The following DPCD variants were observed in gnomAD, a reference collection of about 807,000 sequenced individuals.
DPCD encodes the protein deleted in primary ciliary dyskinesia homolog (mouse), also known as protein DPCD.
Under a neutral mutation model 26.4 loss-of-function variants are expected in DPCD, and 20 were observed. The observed-to-expected ratio is 0.76, with a 90% CI of 0.53 to 1.10. The LOEUF (loss-of-function observed/expected upper bound fraction) is 1.10, where lower values mean the gene tolerates loss of function less well. Among genes scored for constraint, DPCD ranks in the 50% least tolerant of loss-of-function variants. DPCD has a pLI of 0.00. For synonymous variants in DPCD, 97 were observed against 94.2 expected, an observed-to-expected ratio of 1.03 and a Z score of -0.17; for missense variants, 202 against 253.9, an observed-to-expected ratio of 0.80 and a Z score of 1.39.
At chr10:101,594,636 G>T (rs1349631319) in intron 1 of DPCD, 22 bp from the exon 2 acceptor site, 2 of 1,611,974 alleles carry the variant, frequency 1.2e-6, no homozygotes, top group East Asian at 2.2e-5. Flanking sequence ...TTGAGGTAAG[G>T]CATTCTCTGT....
At chr10:101,594,314 G>C (rs2063634219) in intron 1 of DPCD, among the ~76,000 whole-genome samples, 1 of 152,222 alleles carries the variant, frequency 6.6e-6, no homozygotes, top group South Asian at 2.1e-4. Flanking sequence ...TCCTACCAAA[G>C]TGGCTGGAGG....
chr10:101,608,990 T>C, intron 5 of DPCD, 53 bp downstream of exon 5: 1 of 1,436,054 alleles, frequency 7.0e-7, no homozygotes, highest in Non-Finnish European at 9.8e-7. Flanking sequence ...TCTTCCTCTT[T>C]CCCTGCCCAC....
chr10:101,609,643 A>C lies in DPCD; in HGVS notation c.*172A>C. Reference sequence around the variant, plus strand: ...ATGGTCATATTTCCTGAGTAAAGTCATTCTGAGTTACTTACTGCACAGGGA... The same window carrying C: ...ATGGTCATATTTCCTGAGTAAAGTCCTTCTGAGTTACTTACTGCACAGGGA... On this transcript the variant is annotated 3_prime_UTR_variant, in exon 6 of 6. Coordinates refer to ENST00000370151, the MANE Select transcript of DPCD (RefSeq NM_015448.3). 1.6e-6 allele frequency: 1 copy of C among 608,924 alleles called. No individual in the cohort carries two copies. The highest frequency in any genetic ancestry group is 2.8e-5 in the East Asian group (1 of 35,672). 37.7% of individuals were successfully genotyped at this position (608,924 alleles called of 1,614,324 possible).
chr10:101,607,374 G>A (rs1188530617), intron 4 of DPCD, among the ~76,000 whole-genome samples: 1 of 152,162 alleles, frequency 6.6e-6, no homozygotes. Context: ...CAGATGGATC[G>A]CCTTTCCCTG....
chr10:101,600,996 A>G lies in DPCD; in HGVS notation c.270+134A>G. On this transcript the variant is annotated intron_variant, in intron 3 of 5. Transcript: ENST00000370151. This position sits in a 1 kb window ranked among gnomAD's most constrained non-coding sequence, Gnocchi z 4.7. ...GTGCCACCTGGACACAGCACTCTATAAATGTTTGTTTGAATGAATACAGAC... is the reference window on the plus strand; with the variant it reads ...GTGCCACCTGGACACAGCACTCTATGAATGTTTGTTTGAATGAATACAGAC... 12 of 1,498,098 alleles carry G rather than the reference A, an allele frequency of 8.0e-6. No individual in the cohort carries two copies. The highest frequency in any genetic ancestry group is 1.1e-5 in the Non-Finnish European group (12 of 1,115,414). 92.8% of individuals were successfully genotyped at this position (1,498,098 alleles called of 1,614,324 possible).
intron 2 of DPCD, among the ~76,000 whole-genome samples, chr10:101,599,667 T>C (rs1199370893): frequency 6.6e-6 from 1 of 152,242 alleles, no homozygotes; most frequent in Non-Finnish European, 1.5e-5. Flanking sequence ...TGCCTAGTGC[T>C]GAGAACCTGA....
intron 2 of DPCD, among the ~76,000 whole-genome samples, chr10:101,595,187 C>T (rs2063641901): frequency 6.6e-6 from 1 of 152,182 alleles, no homozygotes; most frequent in Non-Finnish European, 1.5e-5. Flanking sequence ...TCAAAGGCAA[C>T]ACTATAAAAT....
intron 4 of DPCD, 21 bp downstream of exon 4, chr10:101,601,357 CCTGTGTG>C: frequency 1.2e-6 from 2 of 1,612,708 alleles, no homozygotes; most frequent in South Asian, 2.2e-5. Flanking sequence ...TGGAAGGCAC[CCTGTGTG>C]CTTGTGTATG....
Position 101,603,209 on chromosome 10 carries a change from G to A in DPCD, c.404+1873G>A, listed in dbSNP as rs867836150. Reference sequence around the variant, plus strand: ...CCTGGCTCATCCCTGCCCTCCTCAGGTCTCTCTGTTGGGAGGTAACCTAGA... The same window carrying A: ...CCTGGCTCATCCCTGCCCTCCTCAGATCTCTCTGTTGGGAGGTAACCTAGA... On this transcript the variant is annotated intron_variant, in intron 4 of 5. Coordinates refer to ENST00000370151, the MANE Select transcript of DPCD (RefSeq NM_015448.3). This position sits in a 1 kb window ranked among gnomAD's most constrained non-coding sequence, Gnocchi z 4.6. 2.0e-5 allele frequency among the ~76,000 whole-genome samples: 3 copies of A among 152,176 alleles called. No homozygotes were observed. The highest frequency in any genetic ancestry group is 2.9e-5 in the Non-Finnish European group (2 of 68,036).
chr10:101,600,186 G>GT lies in DPCD; in HGVS notation c.146-545dup, dbSNP rs1178444798. 6.6e-6 allele frequency among the ~76,000 whole-genome samples: 1 copy of GT among 151,864 alleles called. No individual in the cohort carries two copies. The highest frequency in any genetic ancestry group is 6.6e-5 in the Admixed American group (1 of 15,254). The stretch of plus-strand genomic sequence containing the variant: ...TTTTGTTTAAATGCAGCTTTGGAGC[G>GT]TTTTTTTGTTTTTGCTTTTTTCTTT... On this transcript the variant is annotated intron_variant, in intron 2 of 5. Coordinates refer to ENST00000370151, the MANE Select transcript of DPCD (RefSeq NM_015448.3). The surrounding 1 kb of genome is among the most constrained non-coding windows in gnomAD (Gnocchi z 4.7).
intron 4 of DPCD, among the ~76,000 whole-genome samples, chr10:101,608,441 T>C (rs2063747657): frequency 6.6e-6 from 1 of 152,236 alleles, no homozygotes. Flanking sequence ...CTCTGTCCTT[T>C]GTTAGAACAC....
At chr10:101,601,137 G>A (rs2063694805) in intron 3 of DPCD, 66 bp from the exon 4 acceptor site, 11 of 1,602,540 alleles carry the variant, frequency 6.9e-6, no homozygotes, top group South Asian at 2.2e-5. Flanking sequence ...CCGGGGTAGC[G>A]CTCTGATGAG....
At chr10:101,605,075 G>A in intron 4 of DPCD, 1 of 1,549,624 alleles carries the variant, frequency 6.5e-7, no homozygotes, top group Non-Finnish European at 8.7e-7. Context: ...GCGACTGTGG[G>A]TGGGGGTGCC....
intron 2 of DPCD, among the ~76,000 whole-genome samples, chr10:101,598,350 TAAAAA>T (rs963579755): frequency 1.3e-5 from 2 of 150,948 alleles, no homozygotes; most frequent in African/African-American, 4.9e-5. Context: ...TTGAGCTACT[TAAAAA>T]AAAACAGAAA....
At chr10:101,594,548 G>T in intron 1 of DPCD, 110 bp from the exon 2 acceptor site, 1 of 1,048,718 alleles carries the variant, frequency 9.5e-7, no homozygotes, top group Non-Finnish European at 1.5e-6. Flanking sequence ...TCCTGGCTGG[G>T]TTCCTCAGTA....
At chr10:101,599,311 A>G (rs2063675493) in intron 2 of DPCD, among the ~76,000 whole-genome samples, 1 of 152,212 alleles carries the variant, frequency 6.6e-6, no homozygotes, top group African/African-American at 2.4e-5. Context: ...GAAGTGAGGT[A>G]TTAACACTGA....
At chr10:101,601,763 G>T (rs1167213852) in intron 4 of DPCD, among the ~76,000 whole-genome samples, 1 of 152,100 alleles carries the variant, frequency 6.6e-6, no homozygotes, top group Non-Finnish European at 1.5e-5. Flanking sequence ...ACCCCTGTCT[G>T]AAGTGGGAGT....
chr10:101,588,653 T>A lies in DPCD; in HGVS notation c.64+253T>A, dbSNP rs1425131852. 3 of 1,320,100 alleles carry A rather than the reference T, an allele frequency of 2.3e-6. No homozygotes were observed. The African/African-American group carries it at 4.5e-5, about 20-fold the overall frequency. 81.8% of individuals were successfully genotyped at this position (1,320,100 alleles called of 1,614,324 possible). On this transcript the variant is annotated intron_variant, in intron 1 of 5. Coordinates refer to ENST00000370151, the MANE Select transcript of DPCD (RefSeq NM_015448.3). Reference sequence around the variant, plus strand: ...TTTCTGTTGCTAATATAGTAATTTCTTTTACATTCATTATCTCATTTGCTC... The same window carrying A: ...TTTCTGTTGCTAATATAGTAATTTCATTTACATTCATTATCTCATTTGCTC...
chr10:101,599,781 G>A lies in DPCD; in HGVS notation c.146-957G>A, dbSNP rs190774385. ...TTTAGCTCCTTAAACAGCTACAGAG[G>A]CTGCTGGTCTTTAGCACCAGCTGGG... On this transcript the variant is annotated intron_variant, in intron 2 of 5. Transcript: ENST00000370151. Among the ~76,000 whole-genome samples, 5 of 152,324 alleles carry A rather than the reference G, an allele frequency of 3.3e-5. No homozygotes were observed. The East Asian group carries it at 9.6e-4, about 29-fold the overall frequency.
Sources: gnomAD v4.1 joint callset for allele counts (sites outside exome capture counted in the v4.1 genomes callset) on GRCh38, gnomAD v4.1.1 for gene constraint, Gnocchi (gnomAD v3.1) non-coding constraint, MANE v1.5 for transcripts, NCBI Gene and HGNC (gene_info 2026-07-23, HGNC 2026-07-21) for gene names.